KAT14: variants seen among roughly 807,000 people sequenced by gnomAD.
KAT14 encodes lysine acetyltransferase 14, also known as cysteine-rich protein 2-binding protein.
KAT14 carries 66 observed loss-of-function variants against 78.4 expected under a neutral mutation model. That is an observed-to-expected ratio of 0.84 (90% CI 0.69 to 1.03). The LOEUF is 1.03. Ranked by LOEUF, KAT14 falls within the 50% of genes least tolerant of loss-of-function variation. The pLI is 0.00. For missense variants in KAT14, 870 were observed against 972.5 expected (o/e 0.89, Z 1.40); for synonymous variants, 344 against 359.4 (o/e 0.96, Z 0.48).
intron 7 of KAT14, among the ~76,000 whole-genome samples, chr20:18,180,913 A>G (rs1286607727): frequency 1.3e-5 from 2 of 152,240 alleles, no homozygotes; most frequent in Non-Finnish European, 1.5e-5. Flanking sequence ...CTGGGAACAC[A>G]GAGCCAAACC....
chr20:18,150,847 G>C lies in KAT14; in HGVS notation c.405G>C (p.Leu135Phe), dbSNP rs757038571. ...TCGTCATGTTGGCAATGTACAACTT[G>C]TCTCTGGAAGGAAGTGGACGTCAAG... ...QQVVMLAMYN[L>F]SLEGSGRQGY... is the part of the protein sequence containing the mutation. The change falls in exon 4 of 11, where the codon TTG becomes TTC. Residue 135 changes from leucine (L) to phenylalanine (F), a missense_variant. Leu to Phe is a conservative substitution (Grantham distance 22). Coordinates refer to ENST00000688188, the MANE Select transcript of KAT14 (RefSeq NM_001392073.1). 2.5e-6 allele frequency: 4 copies of C among 1,613,940 alleles called. No homozygotes were observed. Among genetic ancestry groups the C allele is most frequent in the Non-Finnish European group, 3.4e-6 (4 of 1,179,970 alleles).
Position 18,178,251 on chromosome 20 carries a change from A to G in KAT14, c.1669-3459A>G, listed in dbSNP as rs575087882. Among the ~76,000 whole-genome samples the G allele has an allele frequency of 4.7e-4, 71 of 152,362 alleles. 3 individuals carry two copies. Among genetic ancestry groups the G allele is most frequent in the Non-Finnish European group, 4.6e-4 (31 of 68,036 alleles). ...AACCTATTTTTTGAGGAGAAAGTCA[A>G]GCTGGCTGCAGAAATTTACATAAGT... On this transcript the variant is annotated intron_variant, in intron 7 of 10. Coordinates refer to ENST00000688188, the MANE Select transcript of KAT14 (RefSeq NM_001392073.1).
intron 4 of KAT14, among the ~76,000 whole-genome samples, chr20:18,158,176 T>C (rs1311333827): frequency 2.0e-5 from 3 of 152,210 alleles, no homozygotes; most frequent in African/African-American, 7.2e-5. Context: ...CCTCAGGTGA[T>C]CCACCCGCCT....
At position 18,142,919 on chromosome 20, in the gene KAT14, A is replaced by G. The variant is rs766534925; in HGVS notation, c.259A>G (p.Ser87Gly). ...CAAGTGCCAAAAATGGATACCAGCC[A>G]GTAAGGAGCTTCTCAATTCCTTTGA... ...CDKCQKWIPA[S>G]QLREQLSYLK... is the part of the protein sequence containing the mutation. The change falls in exon 2 of 11, where the codon AGT becomes GGT. Residue 87 changes from serine to glycine, a missense_variant and splice_region_variant. By Grantham distance (56) the Ser-to-Gly change is moderately conservative (BLOSUM62 0). Transcript: ENST00000688188. The G allele has an allele frequency of 1.2e-6, 2 of 1,612,764 alleles. No homozygotes were observed. The highest frequency in any genetic ancestry group is 8.5e-7 in the Non-Finnish European group (1 of 1,178,734).
At chr20:18,141,041 T>TA (rs1555801378) in intron 1 of KAT14, among the ~76,000 whole-genome samples, 3 of 43,608 alleles carry the variant, frequency 6.9e-5, no homozygotes, top group Non-Finnish European at 1.1e-4. Flanking sequence ...TTTTTTTTTT[T>TA]TTTTTATTTT....
intron 2 of KAT14, 67 bp from the exon 3 acceptor site, chr20:18,145,166 G>C: frequency 1.3e-6 from 2 of 1,543,210 alleles, no homozygotes; most frequent in Non-Finnish European, 1.7e-6. Flanking sequence ...GGTGATAAAC[G>C]GATTAAACCT....
In KAT14 at chr20:18,156,067, G is replaced by A. The variant is rs552791744; in HGVS notation, c.501-3017G>A. Among the ~76,000 whole-genome samples, 3 of 152,302 alleles carry A rather than the reference G, an allele frequency of 2.0e-5. No homozygotes were observed. In the South Asian group the frequency reaches 6.2e-4, roughly 32 times the overall value. On this transcript the variant is annotated intron_variant, in intron 4 of 10. Coordinates refer to ENST00000688188, the MANE Select transcript of KAT14 (RefSeq NM_001392073.1). ...ATATCATTCAGTCTTAAAAAGGAAG[G>A]ACATTCTGGCACATGCTGCAGTGTA... is the stretch of plus-strand genomic sequence containing the variant.
chr20:18,181,471 C>G (rs2039249154), intron 7 of KAT14, among the ~76,000 whole-genome samples: 1 of 150,244 alleles, frequency 6.7e-6, no homozygotes, highest in Non-Finnish European at 1.5e-5. Context: ...TGGGTTCACG[C>G]CATTCTCCTG....
intron 7 of KAT14, among the ~76,000 whole-genome samples, chr20:18,169,802 A>G (rs2038784276): frequency 6.6e-6 from 1 of 152,254 alleles, no homozygotes; most frequent in African/African-American, 2.4e-5. Flanking sequence ...TCTTGTGCCA[A>G]ACAATTAGCC....
chr20:18,182,972 G>A (rs1011296789), intron 8 of KAT14, 151 bp from the exon 9 acceptor site: 8 of 1,128,222 alleles, frequency 7.1e-6, no homozygotes, highest in Non-Finnish European at 8.5e-6. Flanking sequence ...ATACATAAAA[G>A]TATAGCTGTA....
At chr20:18,143,297 C>A in intron 2 of KAT14, 1 of 498,010 alleles carries the variant, frequency 2.0e-6, no homozygotes, top group South Asian at 5.4e-5. Flanking sequence ...ATTTAACTTA[C>A]GTGGAGAACT....
intron 3 of KAT14, among the ~76,000 whole-genome samples, chr20:18,150,332 C>T (rs777401758): frequency 2.0e-5 from 3 of 152,096 alleles, no homozygotes; most frequent in Non-Finnish European, 2.9e-5. Flanking sequence ...TTGTTTTTGC[C>T]ATCTAAGAGC....
At chr20:18,137,282 CTG>C (rs1359725614), upstream of KAT14, among the ~76,000 whole-genome samples, 2 of 142,832 alleles carry the variant, frequency 1.4e-5, no homozygotes, top group Admixed American at 1.4e-4. Flanking sequence ...GACAGAGACT[CTG>C]TATCAAAATT....
Position 18,181,718 on chromosome 20 carries a change from G to A in KAT14, c.1677G>A (p.Leu559=). Residue 559 remains leucine, a synonymous_variant, in exon 8 of 11, where the codon TTG becomes TTA. Coordinates refer to ENST00000688188, the MANE Select transcript of KAT14 (RefSeq NM_001392073.1). ...GTGTTTCTTTCTCATAGACTTCCTT[G>A]CCGTCCAGGAAGGGATTTCGACACC... The part of the protein sequence containing the change: ...FRILDRYQTS[L]PSRKGFRHQT... The A allele has an allele frequency of 6.2e-7, 1 of 1,614,062 alleles. No individual in the cohort carries two copies. Among genetic ancestry groups the A allele is most frequent in the Non-Finnish European group, 8.5e-7 (1 of 1,179,986 alleles).
intron 7 of KAT14, among the ~76,000 whole-genome samples, chr20:18,175,661 T>G (rs1284228808): frequency 6.6e-6 from 1 of 152,038 alleles, no homozygotes; most frequent in Non-Finnish European, 1.5e-5. Flanking sequence ...TTTTCTCACT[T>G]ATTTGACCTT....
At chr20:18,138,439 T>C in intron 1 of KAT14, 1 of 999,156 alleles carries the variant, frequency 1.0e-6, no homozygotes, top group Non-Finnish European at 1.2e-6. Flanking sequence ...CGCTAGAAAA[T>C]AGAAGGTGGG....
intron 3 of KAT14, 127 bp from the exon 4 acceptor site, chr20:18,150,694 C>G (rs775767055): frequency 7.0e-7 from 1 of 1,433,902 alleles, no homozygotes; most frequent in African/African-American, 1.4e-5. Context: ...AGATACCGTC[C>G]GTCCTTTGTT....
chr20:18,139,633 C>CGTGTGTGTGT (rs71194228), intron 1 of KAT14, among the ~76,000 whole-genome samples: 3,657 of 141,604 alleles, frequency 0.026, 50 homozygotes, highest in Admixed American at 0.042. Flanking sequence ...ACCAAAATAA[C>CGTGTGTGTGT]GTGTGTGTGT....
intron 7 of KAT14, among the ~76,000 whole-genome samples, chr20:18,171,340 G>A (rs542179715): frequency 9.2e-5 from 14 of 152,286 alleles, no homozygotes; most frequent in Admixed American, 2.6e-4. Flanking sequence ...TGCTTCTTAT[G>A]GATGAGCAAA....
Sources: allele counts gnomAD v4.1 joint callset (sites outside exome capture counted in the v4.1 genomes callset), GRCh38; gene constraint gnomAD v4.1.1; transcripts MANE v1.5; gene names NCBI Gene and HGNC (gene_info 2026-07-23, HGNC 2026-07-21).